RYR3: variants seen among roughly 807,000 people sequenced by gnomAD.
The protein encoded by RYR3 is brain ryanodine receptor-calcium release channel.
A neutral mutation model predicts 584.3 loss-of-function variants in RYR3; 207 were observed. The observed-to-expected ratio is 0.35, with a 90% CI of 0.32 to 0.40. The LOEUF (loss-of-function observed/expected upper bound fraction) is 0.40, where lower values mean the gene tolerates loss of function less well. RYR3 is among the 10% of genes least tolerant of loss of function. The pLI is 1.00. For missense variants in RYR3, 5,616 were observed against 6,089.2 expected (o/e 0.92, Z 2.59); for synonymous variants, 2,416 against 2,248.5 (o/e 1.07, Z -2.11).
At position 33,857,914 on chromosome 15, in the gene RYR3, G is replaced by A. The variant is rs755938996; in HGVS notation, c.14142G>A (p.Thr4714=). 20 of 1,613,644 alleles carry A rather than the reference G, an allele frequency of 1.2e-5. No homozygotes were observed. Among genetic ancestry groups the A allele is most frequent in the East Asian group, 4.5e-5 (2 of 44,892 alleles). Residue 4714 remains threonine (T), a splice_region_variant and synonymous_variant, in exon 99 of 104, where the codon ACG becomes ACA. Transcript: ENST00000634891. The part of the protein sequence containing the change: ...EPDMKCDDMM[T]CYLFHMYVGV... ...ATATGAAGTGCGACGACATGATGAC[G>A]GTGAGAGCCCACCCACTGCGGGGCC...
chr15:33,827,842 C>G (rs549072146), intron 85 of RYR3, among the ~76,000 whole-genome samples: 2 of 152,248 alleles, frequency 1.3e-5, no homozygotes, highest in East Asian at 3.9e-4. Flanking sequence ...TGCCTGTGTT[C>G]CAGTTTTTTC....
intron 60 of RYR3, among the ~76,000 whole-genome samples, chr15:33,767,324 A>AT (rs2073165099): frequency 6.6e-6 from 1 of 151,768 alleles, no homozygotes; most frequent in African/African-American, 2.4e-5. Context: ...CTCTGAAAAA[A>AT]AAACCATGGG....
At position 33,785,856 on chromosome 15, in the gene RYR3, C is replaced by A; in HGVS notation, c.9463C>A (p.Pro3155Thr). 4.3e-6 allele frequency: 7 copies of A among 1,613,898 alleles called. No homozygotes were observed. Among genetic ancestry groups the A allele is most frequent in the African/African-American group, 4.0e-5 (3 of 75,008 alleles). ...GGAGCGGGGTCCTGAGAACCTGCCC[C>A]CCAGCACAGGGCCATGCTGCACCAA... ...WWERGPENLP[P>T]STGPCCTKVT... Residue 3155 changes from proline to threonine, a missense_variant, in exon 66 of 104, where the codon CCC becomes ACC. Physicochemically the swap from Pro to Thr is conservative, Grantham distance 38 (BLOSUM62 -1). Transcript: ENST00000634891.
chr15:33,675,691 G>T (rs2064133374), intron 38 of RYR3, among the ~76,000 whole-genome samples: 1 of 152,158 alleles, frequency 6.6e-6, no homozygotes, highest in African/African-American at 2.4e-5. Flanking sequence ...CATTACATTA[G>T]TTAATATGTG....
At chr15:33,346,264 C>A (rs2140885995) in intron 1 of RYR3, among the ~76,000 whole-genome samples, 1 of 152,204 alleles carries the variant, frequency 6.6e-6, no homozygotes, top group East Asian at 1.9e-4. Context: ...GAGTTGGTCA[C>A]AAAAATGTAT....
chr15:33,651,474 C>T (rs944656109), intron 31 of RYR3, among the ~76,000 whole-genome samples: 35 of 152,194 alleles, frequency 2.3e-4, no homozygotes, highest in Non-Finnish European at 1.0e-4. Context: ...ATCATTGTCC[C>T]AAAGGAGAGG....
chr15:33,711,850 C>T (rs34781018), intron 43 of RYR3, among the ~76,000 whole-genome samples: 32,546 of 152,138 alleles, frequency 0.21, 3,584 homozygotes, highest in Middle Eastern at 0.28. Context: ...TCAATCTCTG[C>T]CACCTACCCA....
At position 33,662,891 on chromosome 15, in the gene RYR3, G is replaced by A. The variant is rs1367292444; in HGVS notation, c.5361G>A (p.Lys1787=). 3 of 1,613,550 alleles carry A rather than the reference G, an allele frequency of 1.9e-6. No homozygotes were observed. Among genetic ancestry groups the A allele is most frequent in the East Asian group, 2.2e-5 (1 of 44,882 alleles). ...KAVEAGEKAG[K]EAPVKGLLQT... is the part of the protein sequence containing the mutation. ...TGGAGGCTGGGGAGAAGGCCGGCAA[G>A]GAGGCTCCTGTCAAAGGCTTGTTGC... Residue 1787 remains lysine (K), a synonymous_variant, in exon 35 of 104, where the codon AAG becomes AAA. Transcript: ENST00000634891.
intron 59 of RYR3, 65 bp from the exon 60 acceptor site, chr15:33,757,410 T>C (rs911432053): frequency 1.9e-6 from 3 of 1,544,096 alleles, no homozygotes; most frequent in Non-Finnish European, 2.6e-6. Flanking sequence ...ATAAACACTT[T>C]TAAATGAACC....
chr15:33,539,135 T>C (rs1285047156), intron 5 of RYR3: 1 of 414,960 alleles, frequency 2.4e-6, no homozygotes, highest in African/African-American at 2.0e-5. Flanking sequence ...CCATACACTG[T>C]TTTTCTGTCT....
At chr15:33,781,008 G>GACAATGGC (rs1251626491) in intron 65 of RYR3, among the ~76,000 whole-genome samples, 1 of 152,166 alleles carries the variant, frequency 6.6e-6, no homozygotes, top group Non-Finnish European at 1.5e-5. Context: ...GCTTTAGCAC[G>GACAATGGC]ACAATGGCAG....
At chr15:33,857,489 G>T (rs888422645) in intron 98 of RYR3, among the ~76,000 whole-genome samples, 3 of 152,020 alleles carry the variant, frequency 2.0e-5, no homozygotes, top group African/African-American at 7.2e-5. Flanking sequence ...GTCACATTCT[G>T]AGGTACTGGA....
intron 1 of RYR3, among the ~76,000 whole-genome samples, chr15:33,429,696 A>G (rs1473289139): frequency 6.6e-6 from 1 of 152,198 alleles, no homozygotes; most frequent in Non-Finnish European, 1.5e-5. Context: ...TCCTTTATAC[A>G]TTTTACGTAA....
chr15:33,785,215 G>A (rs1454954001), intron 65 of RYR3, among the ~76,000 whole-genome samples: 1 of 152,138 alleles, frequency 6.6e-6, no homozygotes, highest in Non-Finnish European at 1.5e-5. Context: ...TTTCTAAGCC[G>A]AGTATAGATG....
chr15:33,728,134 G>A (rs2068623113), intron 46 of RYR3, among the ~76,000 whole-genome samples: 1 of 152,076 alleles, frequency 6.6e-6, no homozygotes, highest in South Asian at 2.1e-4. Context: ...ACTTACTTAG[G>A]TTTCAAATCA....
Position 33,810,745 on chromosome 15 carries a change from C to T in RYR3, c.10197+96C>T, listed in dbSNP as rs574524998. Reference sequence around the variant, plus strand: ...GGGTTAGTCCTCCTCCCCTGGGGGGCGGGGAGCAGATGCGCAGAAACCAGT... The same window carrying T: ...GGGTTAGTCCTCCTCCCCTGGGGGGTGGGGAGCAGATGCGCAGAAACCAGT... On this transcript the variant is annotated intron_variant, in intron 71 of 103. Coordinates refer to ENST00000634891, the MANE Select transcript of RYR3 (RefSeq NM_001036.6). 225 of 1,476,356 alleles carry T rather than the reference C, an allele frequency of 1.5e-4. 1 individual carries two copies. The highest frequency in any genetic ancestry group is 9.7e-4 in the African/African-American group (70 of 72,214). The allele number at this position is 1,476,356 out of a possible 1,614,324, so 91.5% of individuals were successfully genotyped here.
intron 57 of RYR3, among the ~76,000 whole-genome samples, chr15:33,751,233 C>A (rs2071270308): frequency 2.0e-5 from 3 of 152,126 alleles, no homozygotes. Context: ...AATTTATAAT[C>A]CTTTGGGTAT....
intron 3 of RYR3, among the ~76,000 whole-genome samples, chr15:33,523,846 T>TG (rs2140989076): frequency 6.6e-6 from 1 of 152,176 alleles, no homozygotes; most frequent in Admixed American, 6.5e-5. Context: ...GAGGGAGCTA[T>TG]GGGGAAGGGA....
At chr15:33,651,476 A>G (rs1055755030) in intron 31 of RYR3, among the ~76,000 whole-genome samples, 2 of 152,220 alleles carry the variant, frequency 1.3e-5, no homozygotes, top group African/African-American at 4.8e-5. Flanking sequence ...CATTGTCCCA[A>G]AGGAGAGGAC....
Sources: allele counts gnomAD v4.1 joint callset (sites outside exome capture counted in the v4.1 genomes callset), GRCh38; gene constraint gnomAD v4.1.1; transcripts MANE v1.5; gene names NCBI Gene and HGNC (gene_info 2026-07-23, HGNC 2026-07-21).